BOC: variants seen among roughly 807,000 people sequenced by gnomAD.
The protein encoded by BOC is brother of CDO.
A neutral mutation model predicts 112.0 loss-of-function variants in BOC; 76 were observed. The observed-to-expected ratio is 0.68, with a 90% confidence interval of 0.56 to 0.82. The LOEUF (loss-of-function observed/expected upper bound fraction) is 0.82, where lower values mean the gene tolerates loss of function less well. Among genes scored for constraint, BOC ranks in the 40% least tolerant of loss-of-function variants. The pLI is 0.00. For missense variants in BOC, 1,309 were observed against 1,511.7 expected (o/e 0.87, Z 2.22); for synonymous variants, 580 against 599.8 (o/e 0.97, Z 0.48).
At chr3:113,283,667 G>A (rs777889775) in intron 16 of BOC, 35 bp downstream of exon 16, 4 of 1,589,966 alleles carry the variant, frequency 2.5e-6, no homozygotes, top group Admixed American at 3.3e-5. Context: ...GAGGATCCTG[G>A]GTGGGAAATG....
intron 2 of BOC, among the ~76,000 whole-genome samples, chr3:113,219,540 A>G (rs1487944466): frequency 6.6e-6 from 1 of 152,236 alleles, no homozygotes; most frequent in African/African-American, 2.4e-5. Flanking sequence ...ATGTCATTGC[A>G]GGTCTGCCGA....
intron 6 of BOC, 109 bp from the exon 7 acceptor site, chr3:113,272,301 A>G: frequency 8.1e-7 from 1 of 1,236,014 alleles, no homozygotes; most frequent in Non-Finnish European, 1.1e-6. Context: ...AAAGACCCGG[A>G]ATGGCTGTTT....
At chr3:113,230,505 C>T (rs917446268) in intron 2 of BOC, among the ~76,000 whole-genome samples, 3 of 152,220 alleles carry the variant, frequency 2.0e-5, no homozygotes, top group Admixed American at 6.5e-5. Flanking sequence ...TTTACTTAAG[C>T]AAGTTCCTTA....
chr3:113,272,967 C>A, intron 7 of BOC, 102 bp from the exon 8 acceptor site: 1 of 1,436,372 alleles, frequency 7.0e-7, no homozygotes, highest in Non-Finnish European at 9.4e-7. Flanking sequence ...AAAGCAACAG[C>A]CAAAGGGCAG....
intron 4 of BOC, among the ~76,000 whole-genome samples, chr3:113,266,638 C>T (rs12638030): frequency 0.19 from 28,188 of 152,162 alleles, 3,440 homozygotes; most frequent in East Asian, 0.46. Context: ...GATATTCATT[C>T]GTTCATTCAT....
intron 2 of BOC, among the ~76,000 whole-genome samples, chr3:113,248,619 A>G (rs1044945287): frequency 2.0e-5 from 3 of 152,222 alleles, no homozygotes; most frequent in African/African-American, 4.8e-5. Context: ...TTAATGTTCT[A>G]TAAACCCATC....
chr3:113,257,208 T>C (rs556894264), intron 4 of BOC, among the ~76,000 whole-genome samples: 7 of 152,354 alleles, frequency 4.6e-5, no homozygotes, highest in Admixed American at 4.6e-4. Flanking sequence ...GACGGAGATG[T>C]TTCCACGCTG....
At chr3:113,223,284 T>A (rs897185813) in intron 2 of BOC, among the ~76,000 whole-genome samples, 2 of 152,214 alleles carry the variant, frequency 1.3e-5, no homozygotes, top group Non-Finnish European at 2.9e-5. Context: ...TAGCCCTTTT[T>A]AAAAACAATT....
chr3:113,224,829 C>T lies in BOC; in HGVS notation c.-82+8555C>T, dbSNP rs186679604. On this transcript the variant is annotated intron_variant, in intron 2 of 19. Transcript: ENST00000682979. ...CAAAAATAGGCCGGGCATGGTGGCTCACGCCTGTAATCCCAGCACTTTGGG... is the reference window on the plus strand; with the variant it reads ...CAAAAATAGGCCGGGCATGGTGGCTTACGCCTGTAATCCCAGCACTTTGGG... Among the ~76,000 whole-genome samples, 528 of 152,288 alleles carry T rather than the reference C, an allele frequency of 3.5e-3. 1 individual carries two copies. The highest frequency in any genetic ancestry group is 0.012 in the African/African-American group (510 of 41,562).
At chr3:113,253,821 A>G (rs1576422877) in intron 4 of BOC, among the ~76,000 whole-genome samples, 1 of 152,196 alleles carries the variant, frequency 6.6e-6, no homozygotes, top group East Asian at 1.9e-4. Context: ...ATTGCAAATG[A>G]GATGCGCCTT....
intron 1 of BOC, among the ~76,000 whole-genome samples, chr3:113,213,474 G>T (rs1289702984): frequency 6.6e-6 from 1 of 152,152 alleles, no homozygotes; most frequent in African/African-American, 2.4e-5. Context: ...TCATCCCTTT[G>T]GTTACAGCCA....
Position 113,285,582 on chromosome 3 carries a change from G to T in BOC, c.3160+17G>T. 6.5e-7 allele frequency: 1 copy of T among 1,549,428 alleles called. No individual in the cohort carries two copies. The highest frequency in any genetic ancestry group is 2.3e-5 in the East Asian group (1 of 44,008). On this transcript the variant is annotated intron_variant, in intron 19 of 19. Coordinates refer to ENST00000682979, the MANE Select transcript of BOC (RefSeq NM_001378074.1). The stretch of plus-strand genomic sequence containing the variant: ...TTCACTCAGGTTGGTTCCAGGAGCA[G>T]GGCAGGGAAATTAAACAGGCTGGGG...
At chr3:113,235,365 T>G (rs776817947) in intron 2 of BOC, among the ~76,000 whole-genome samples, 2 of 152,184 alleles carry the variant, frequency 1.3e-5, no homozygotes, top group Non-Finnish European at 2.9e-5. Flanking sequence ...GCTTTGAGCA[T>G]TCACTGAATG....
chr3:113,259,582 A>G (rs2107519148), intron 4 of BOC, among the ~76,000 whole-genome samples: 1 of 152,266 alleles, frequency 6.6e-6, no homozygotes, highest in Middle Eastern at 3.4e-3. Flanking sequence ...GTGTGTGGAA[A>G]AGTTGAGCAA....
rs1948871690 is a variant in BOC at position 113,278,499 on chromosome 3, TACC to T, written c.1706-171_1706-169del. Among the ~76,000 whole-genome samples, 1 of 151,842 alleles carries T rather than the reference TACC, an allele frequency of 6.6e-6. No homozygotes were observed. The highest frequency in any genetic ancestry group is 2.1e-4 in the South Asian group (1 of 4,792). The stretch of plus-strand genomic sequence containing the variant: ...TCTCTCACACAGGGGCCAGCAATAG[TACC>T]ACAACAGAACCAGTCTCGGCCGAGG... On this transcript the variant is annotated intron_variant, in intron 10 of 19. Coordinates refer to ENST00000682979, the MANE Select transcript of BOC (RefSeq NM_001378074.1). This position sits in a 1 kb window ranked among gnomAD's most constrained non-coding sequence, Gnocchi z 4.2.
chr3:113,216,165 A>G (rs1291814016), intron 1 of BOC, 22 bp from the exon 2 acceptor site: 2 of 450,412 alleles, frequency 4.4e-6, no homozygotes, highest in Admixed American at 2.4e-5. Context: ...TCAAAAGATG[A>G]GATAATTCTC....
chr3:113,286,660 T>G lies in BOC; in HGVS notation c.3161-15T>G. 1 of 1,552,958 alleles carries G rather than the reference T, an allele frequency of 6.4e-7. No individual in the cohort carries two copies. The highest frequency in any genetic ancestry group is 8.7e-7 in the Non-Finnish European group (1 of 1,149,912). ...CAATCTGGATTTTAATGGTTCCTAC[T>G]CTTTCTCCCCTCAGGGCCCCCATGC... On this transcript the variant is annotated splice_polypyrimidine_tract_variant and intron_variant, in intron 19 of 19. Transcript: ENST00000682979.
At chr3:113,248,536 G>C (rs1412092133) in intron 2 of BOC, among the ~76,000 whole-genome samples, 1 of 152,142 alleles carries the variant, frequency 6.6e-6, no homozygotes, top group Non-Finnish European at 1.5e-5. Flanking sequence ...CTGGAATGTT[G>C]CCTTCAACGT....
At chr3:113,248,161 C>A (rs1193200082) in intron 2 of BOC, among the ~76,000 whole-genome samples, 1 of 152,188 alleles carries the variant, frequency 6.6e-6, no homozygotes, top group African/African-American at 2.4e-5. Context: ...GGATATGGCC[C>A]TCCTCACTCC....
Sources: allele counts gnomAD v4.1 joint callset (sites outside exome capture counted in the v4.1 genomes callset), GRCh38; gene constraint gnomAD v4.1.1; non-coding constraint Gnocchi (gnomAD v3.1); transcripts MANE v1.5; gene names NCBI Gene and HGNC (gene_info 2026-07-23, HGNC 2026-07-21).